The following MAGI2 variants were observed in gnomAD, a reference collection of about 807,000 sequenced individuals.
MAGI2 encodes the protein membrane associated guanylate kinase, WW and PDZ domain containing 2.
In MAGI2, 35 loss-of-function variants were observed where a neutral mutation model predicts 133.3. That is an observed-to-expected ratio of 0.26 (90% CI 0.20 to 0.35). The LOEUF is 0.35. MAGI2 is among the 10% of genes least tolerant of loss of function. The probability of loss-of-function intolerance (pLI) is 1.00; values close to 1 mark genes in which losing one functional copy is unlikely to be tolerated. For missense variants in MAGI2, 1,636 were observed against 1,863.4 expected (o/e 0.88, Z 2.25); for synonymous variants, 729 against 710.6 (o/e 1.03, Z -0.41).
chr7:78,729,382 C>T (rs947720254), intron 2 of MAGI2, among the ~76,000 whole-genome samples: 1 of 152,190 alleles, frequency 6.6e-6, no homozygotes, highest in African/African-American at 2.4e-5. Context: ...ATTCATCTAT[C>T]TAATGAAACT....
chr7:78,446,315 G>C (rs1788136307), intron 6 of MAGI2, among the ~76,000 whole-genome samples: 1 of 151,940 alleles, frequency 6.6e-6, no homozygotes, highest in African/African-American at 2.4e-5. Flanking sequence ...AGTTTTCTGT[G>C]ATGGAAGTGA....
At chr7:78,859,162 C>A (rs1445134263) in intron 2 of MAGI2, among the ~76,000 whole-genome samples, 1 of 152,090 alleles carries the variant, frequency 6.6e-6, no homozygotes. Flanking sequence ...CTCCTGAATA[C>A]AGCACACTGA....
At chr7:79,247,395 G>A (rs895747958) in intron 1 of MAGI2, among the ~76,000 whole-genome samples, 7 of 152,038 alleles carry the variant, frequency 4.6e-5, no homozygotes, top group Non-Finnish European at 8.8e-5. Context: ...TAGGAGGACC[G>A]CTTGAGCCTA....
At chr7:78,542,295 G>A (rs1179738007) in intron 3 of MAGI2, among the ~76,000 whole-genome samples, 3 of 152,126 alleles carry the variant, frequency 2.0e-5, no homozygotes, top group Non-Finnish European at 4.4e-5. Context: ...CATTGAGGTT[G>A]ATTTTTAAAT....
chr7:78,389,505 A>G (rs140742722), intron 6 of MAGI2, among the ~76,000 whole-genome samples: 1 of 152,312 alleles, frequency 6.6e-6, no homozygotes, highest in African/African-American at 2.4e-5. Context: ...AACGGAATGA[A>G]TGAGATGATG....
At chr7:79,237,618 T>C (rs1212822899) in intron 1 of MAGI2, among the ~76,000 whole-genome samples, 1 of 152,210 alleles carries the variant, frequency 6.6e-6, no homozygotes, top group Non-Finnish European at 1.5e-5. Flanking sequence ...TCCCGGTCTC[T>C]CTCCATACTC....
chr7:78,630,278 A>AT (rs951934323), intron 2 of MAGI2, among the ~76,000 whole-genome samples: 18 of 152,024 alleles, frequency 1.2e-4, no homozygotes, highest in African/African-American at 4.1e-4. Context: ...CCTACTGCAC[A>AT]TACCACTTCC....
intron 2 of MAGI2, among the ~76,000 whole-genome samples, chr7:78,817,815 T>C (rs1277626463): frequency 6.6e-6 from 1 of 152,040 alleles, no homozygotes; most frequent in African/African-American, 2.4e-5. Context: ...GTTCAAGCGA[T>C]TCTCCTGCCT....
In MAGI2 at chr7:78,475,311, T is replaced by A. The variant is rs545697739; in HGVS notation, c.1045+14450A>T. ...TGAATGCAAACACATACACCATGGA[T>A]TTATGCTGAATATGGAAAGCAAGGT... On this transcript the variant is annotated intron_variant, in intron 6 of 21. Coordinates refer to ENST00000354212, the MANE Select transcript of MAGI2 (RefSeq NM_012301.4). Among the ~76,000 whole-genome samples, 7 of 152,070 alleles carry A rather than the reference T, an allele frequency of 4.6e-5. No individual in the cohort carries two copies. The East Asian group carries it at 1.4e-3, about 30-fold the overall frequency.
At chr7:78,140,639 A>G (rs1313839699) in intron 16 of MAGI2, among the ~76,000 whole-genome samples, 2 of 152,224 alleles carry the variant, frequency 1.3e-5, no homozygotes, top group African/African-American at 4.8e-5. Context: ...ATGTGAAAAT[A>G]AATGCTTTTT....
At position 78,078,986 on chromosome 7, in the gene MAGI2, G is replaced by A; in HGVS notation, c.3667C>T (p.Leu1223=). 1 of 1,613,740 alleles carries A rather than the reference G, an allele frequency of 6.2e-7. No individual in the cohort carries two copies. The highest frequency in any genetic ancestry group is 8.5e-7 in the Non-Finnish European group (1 of 1,179,904). ...TGTCCCGTGCCTCTCTTGAGCAGCA[G>A]CCTCACTCGTCTTCCTCCAGATTTG... ...LIKSGGRRVR[L]LLKRGTGQVP... The change falls in exon 21 of 22, where the codon CTG becomes TTG. Residue 1223 remains leucine, a synonymous_variant. Coordinates refer to ENST00000354212, the MANE Select transcript of MAGI2 (RefSeq NM_012301.4).
Position 78,963,583 on chromosome 7 carries a change from C to T in MAGI2, c.418+43507G>A, listed in dbSNP as rs576048809. On this transcript the variant is annotated intron_variant, in intron 2 of 21. Coordinates refer to ENST00000354212, the MANE Select transcript of MAGI2 (RefSeq NM_012301.4). ...TAAACTGGGAGAGCTGGAAGTGACA[C>T]TGGCCTGGAGATCAGAAAGGGAAGC... Among the ~76,000 whole-genome samples the T allele has an allele frequency of 3.9e-5, 6 of 152,098 alleles. No homozygotes were observed. The East Asian group carries it at 1.2e-3, about 29-fold the overall frequency.
intron 6 of MAGI2, among the ~76,000 whole-genome samples, chr7:78,480,991 G>A (rs997549669): frequency 6.6e-6 from 1 of 151,872 alleles, no homozygotes; most frequent in Admixed American, 6.6e-5. Flanking sequence ...ATATATTATT[G>A]TCAACTTAAT....
intron 1 of MAGI2, among the ~76,000 whole-genome samples, chr7:79,007,865 T>C (rs1346594265): frequency 1.3e-5 from 2 of 151,994 alleles, no homozygotes; most frequent in Non-Finnish European, 2.9e-5. Context: ...CAAATGTTTT[T>C]AGCAAGAGAC....
chr7:78,863,982 G>A (rs1488787214), intron 2 of MAGI2, among the ~76,000 whole-genome samples: 1 of 152,216 alleles, frequency 6.6e-6, no homozygotes, highest in Admixed American at 6.5e-5. Flanking sequence ...ATGGAGGGAA[G>A]TACAGTGTTC....
At chr7:79,111,812 G>T (rs561708390) in intron 1 of MAGI2, among the ~76,000 whole-genome samples, 1 of 151,886 alleles carries the variant, frequency 6.6e-6, no homozygotes, top group Non-Finnish European at 1.5e-5. Context: ...GACTACAGGC[G>T]CCCGCCACCA....
intron 2 of MAGI2, among the ~76,000 whole-genome samples, chr7:78,846,757 A>C (rs1792650199): frequency 6.6e-6 from 1 of 152,144 alleles, no homozygotes; most frequent in South Asian, 2.1e-4. Flanking sequence ...ATTTTTCTCC[A>C]GAGTCAAAAC....
chr7:78,618,200 T>C (rs193160070), intron 3 of MAGI2: 110 of 152,122 alleles, frequency 7.2e-4, no homozygotes, highest in African/African-American at 2.6e-3. Context: ...CCACTGCTTA[T>C]ATCTATGGGG....
intron 2 of MAGI2, among the ~76,000 whole-genome samples, chr7:78,723,882 A>G (rs1366707558): frequency 6.6e-6 from 1 of 152,150 alleles, no homozygotes; most frequent in Admixed American, 6.5e-5. Flanking sequence ...GTTGCTGGGG[A>G]GGCAAAACAG....
Sources: allele counts gnomAD v4.1 joint callset (sites outside exome capture counted in the v4.1 genomes callset), GRCh38; gene constraint gnomAD v4.1.1; transcripts MANE v1.5; gene names NCBI Gene and HGNC (gene_info 2026-07-23, HGNC 2026-07-21).